The following DEFB107B variants were observed in gnomAD, a reference collection of about 807,000 sequenced individuals.
DEFB107B encodes the protein beta-defensin 107.
At chr8:7,508,125 A>G (rs1427036471) in intron 1 of DEFB107B, among the ~76,000 whole-genome samples, 1 of 132,536 alleles carries the variant, frequency 7.5e-6, no homozygotes. Flanking sequence ...GTCTCAACTG[A>G]TTGTCCAGTT....
chr8:7,496,498 C>T (rs1299105339), intron 1 of DEFB107B, among the ~76,000 whole-genome samples: 1 of 152,074 alleles, frequency 6.6e-6, no homozygotes, highest in Non-Finnish European at 1.5e-5. Context: ...GACGGGGTTT[C>T]ACCGTGTTAG....
chr8:7,496,495 T>C (rs1811745141), intron 1 of DEFB107B, among the ~76,000 whole-genome samples: 1 of 151,734 alleles, frequency 6.6e-6, no homozygotes, highest in Admixed American at 6.6e-5. Context: ...AGAGACGGGG[T>C]TTCACCGTGT....
chr8:7,496,909 A>G (rs543884175), intron 1 of DEFB107B, among the ~76,000 whole-genome samples: 25 of 108,030 alleles, frequency 2.3e-4, no homozygotes, highest in Non-Finnish European at 3.3e-4. Flanking sequence ...TGCGTCTTTG[A>G]GATTCTCTTT....
chr8:7,507,561 T>A (rs1811966939), intron 1 of DEFB107B, among the ~76,000 whole-genome samples: 1 of 110,052 alleles, frequency 9.1e-6, no homozygotes, highest in South Asian at 3.0e-4. Flanking sequence ...AAACCTTATT[T>A]CTCTTTCATG....
At chr8:7,497,380 C>A (rs1336224094) in intron 1 of DEFB107B, among the ~76,000 whole-genome samples, 1 of 152,218 alleles carries the variant, frequency 6.6e-6, no homozygotes, top group African/African-American at 2.4e-5. Flanking sequence ...ACAGTTTTCA[C>A]AAGTGCCATA....
At chr8:7,496,908 G>C (rs1811771309) in intron 1 of DEFB107B, among the ~76,000 whole-genome samples, 1 of 107,808 alleles carries the variant, frequency 9.3e-6, no homozygotes, top group Non-Finnish European at 1.8e-5. Flanking sequence ...TTGCGTCTTT[G>C]AGATTCTCTT....
chr8:7,508,248 A>G (rs564572531), intron 1 of DEFB107B, among the ~76,000 whole-genome samples: 1 of 141,450 alleles, frequency 7.1e-6, no homozygotes, highest in South Asian at 2.2e-4. Flanking sequence ...ATTTCTTTCC[A>G]TTAGTCTTTG....
At chr8:7,496,780 G>A (rs1216365065) in intron 1 of DEFB107B, among the ~76,000 whole-genome samples, 3 of 122,022 alleles carry the variant, frequency 2.5e-5, no homozygotes, top group African/African-American at 6.5e-5. Context: ...TGTCTGAGTC[G>A]TCGGTCCAAA....
At chr8:7,496,565 C>A (rs373563926) in intron 1 of DEFB107B, among the ~76,000 whole-genome samples, 1,174 of 148,964 alleles carry the variant, frequency 7.9e-3, no homozygotes, top group East Asian at 0.059. Context: ...CTCCCAGAGC[C>A]CTGGGATTAC....
chr8:7,496,533 T>C (rs558123752), intron 1 of DEFB107B, among the ~76,000 whole-genome samples: 412 of 151,450 alleles, frequency 2.7e-3, no homozygotes, highest in Admixed American at 0.015. Context: ...ATGTCCTGAC[T>C]TCGTGATCCG....
chr8:7,508,312 G>A (rs2128884146), intron 1 of DEFB107B, among the ~76,000 whole-genome samples: 1 of 136,708 alleles, frequency 7.3e-6, no homozygotes, highest in African/African-American at 3.1e-5. Context: ...TCAGATATAT[G>A]GCAGCTAATA....
chr8:7,497,431 T>C (rs1811796129), intron 1 of DEFB107B, among the ~76,000 whole-genome samples: 1 of 151,550 alleles, frequency 6.6e-6, no homozygotes, highest in Non-Finnish European at 1.5e-5. Flanking sequence ...ATGTGGAAAC[T>C]TGGTTCTAAC....
intron 1 of DEFB107B, among the ~76,000 whole-genome samples, chr8:7,508,081 ATATGTGTGTGTG>A (rs1301342174): frequency 4.7e-5 from 2 of 42,972 alleles, no homozygotes; most frequent in Non-Finnish European, 1.0e-4. Context: ...ATATATATAT[ATATGTGTGTGTG>A]TGTGTATGTG....
At chr8:7,504,138 C>T (rs1332201741) in intron 1 of DEFB107B, among the ~76,000 whole-genome samples, 1 of 25,858 alleles carries the variant, frequency 3.9e-5, no homozygotes, top group African/African-American at 7.5e-5. Context: ...CAAGATTAGT[C>T]CTACAGTCCC....
chr8:7,496,288 T>TTA, intron 1 of DEFB107B, among the ~76,000 whole-genome samples: 1 of 89,232 alleles, frequency 1.1e-5, no homozygotes, highest in African/African-American at 4.7e-5. Flanking sequence ...GTTCAGCATA[T>TTA]TCTTTTTTTT....
chr8:7,497,244 G>C (rs1042100783), intron 1 of DEFB107B, among the ~76,000 whole-genome samples: 4 of 151,956 alleles, frequency 2.6e-5, no homozygotes, highest in African/African-American at 9.7e-5. Flanking sequence ...GAAGTTATTA[G>C]TCTATTCCTT....
intron 1 of DEFB107B, among the ~76,000 whole-genome samples, chr8:7,497,530 G>A (rs868247524): frequency 7.2e-4 from 110 of 151,960 alleles, no homozygotes; most frequent in African/African-American, 2.5e-3. Flanking sequence ...CAGAGCCAGG[G>A]AACAATGTCC....
intron 1 of DEFB107B, among the ~76,000 whole-genome samples, chr8:7,497,928 G>A (rs1811811056): frequency 4.5e-5 from 1 of 22,312 alleles, no homozygotes; most frequent in African/African-American, 8.1e-5. Context: ...AAGGTGGGAC[G>A]AGAGATTTGG....
chr8:7,508,150 A>C (rs1811990387), intron 1 of DEFB107B, among the ~76,000 whole-genome samples: 1 of 137,530 alleles, frequency 7.3e-6, no homozygotes, highest in African/African-American at 3.0e-5. Flanking sequence ...GATAAATTTA[A>C]GTGATCTGTA....
Sources: gnomAD v4.1 joint callset for allele counts (sites outside exome capture counted in the v4.1 genomes callset) on GRCh38, gnomAD v4.1.1 for gene constraint, MANE v1.5 for transcripts, NCBI Gene and HGNC (gene_info 2026-07-23, HGNC 2026-07-21) for gene names.